The following TMEM68 variants were observed in gnomAD, a reference collection of about 807,000 sequenced individuals.
The protein encoded by TMEM68 is transmembrane protein 68.
TMEM68 carries 25 observed loss-of-function variants against 36.9 expected under a neutral mutation model. That is an observed-to-expected ratio of 0.68 (90% CI 0.49 to 0.95). TMEM68 has a LOEUF of 0.95. Among genes scored for constraint, TMEM68 ranks in the 40% least tolerant of loss-of-function variants. The pLI, the probability that TMEM68 is intolerant of heterozygous loss-of-function variation, is 0.00. For synonymous variants in TMEM68, 131 were observed against 124.4 expected (o/e 1.05, Z -0.35); for missense variants, 333 against 392.0 (o/e 0.85, Z 1.27).
intron 1 of TMEM68, among the ~76,000 whole-genome samples, chr8:55,766,771 G>A (rs1267075104): frequency 6.6e-6 from 1 of 152,160 alleles, no homozygotes; most frequent in Non-Finnish European, 1.5e-5. Context: ...AGTGGCTGCT[G>A]TGTTGAGAAT....
chr8:55,770,931 G>T (rs1172896142), intron 1 of TMEM68, among the ~76,000 whole-genome samples: 1 of 152,036 alleles, frequency 6.6e-6, no homozygotes, highest in African/African-American at 2.4e-5. Flanking sequence ...AGCGGCAGGA[G>T]GATCACCTGA....
intron 4 of TMEM68, among the ~76,000 whole-genome samples, chr8:55,755,326 G>A (rs1369123429): frequency 6.6e-6 from 1 of 151,340 alleles, no homozygotes; most frequent in African/African-American, 2.4e-5. Flanking sequence ...GAGTATAGTG[G>A]CATGATGTCA....
intron 3 of TMEM68, among the ~76,000 whole-genome samples, chr8:55,758,270 G>T (rs1810667879): frequency 6.6e-6 from 1 of 152,194 alleles, no homozygotes; most frequent in Non-Finnish European, 1.5e-5. Flanking sequence ...TCACTCAGTA[G>T]ATTGAATCCA....
At chr8:55,742,460 C>T (rs1054567563) in intron 7 of TMEM68, among the ~76,000 whole-genome samples, 2 of 152,058 alleles carry the variant, frequency 1.3e-5, no homozygotes, top group African/African-American at 2.4e-5. Context: ...AATGTTTTTA[C>T]CATAATTTAT....
At chr8:55,757,919 G>A (rs985948461) in intron 3 of TMEM68, among the ~76,000 whole-genome samples, 1 of 152,082 alleles carries the variant, frequency 6.6e-6, no homozygotes, top group African/African-American at 2.4e-5. Flanking sequence ...TAAGCCCCAG[G>A]AATACAGAGC....
At position 55,743,364 on chromosome 8, in the gene TMEM68, T is replaced by C. The variant is rs553511958; in HGVS notation, c.888+117A>G. ...CCCTAGGGTATACAATCACCTCTGG[T>C]TGAGAACCACTGACCTAGACATGCT... On this transcript the variant is annotated intron_variant, in intron 7 of 7. Transcript: ENST00000434581. 1.7e-5 allele frequency: 22 copies of C among 1,295,036 alleles called. No individual in the cohort carries two copies. The South Asian group carries it at 2.6e-4, about 15-fold the overall frequency. The allele number at this position is 1,295,036 out of a possible 1,614,324, so 80.2% of individuals were successfully genotyped here.
chr8:55,743,677 G>A, intron 6 of TMEM68, 57 bp from the exon 7 acceptor site: 5 of 1,446,616 alleles, frequency 3.5e-6, no homozygotes, highest in Non-Finnish European at 4.6e-6. Flanking sequence ...CCATGTAACT[G>A]TAAACTTTCA....
chr8:55,754,403 ACT>A (rs1462359042), intron 4 of TMEM68, among the ~76,000 whole-genome samples: 2 of 142,646 alleles, frequency 1.4e-5, no homozygotes, highest in Non-Finnish European at 3.0e-5. Context: ...AGATTATGCC[ACT>A]GCACTCTAGC....
intron 7 of TMEM68, among the ~76,000 whole-genome samples, chr8:55,741,064 T>C (rs1810086026): frequency 6.6e-6 from 1 of 151,978 alleles, no homozygotes; most frequent in Non-Finnish European, 1.5e-5. Flanking sequence ...TGAAACCCCG[T>C]CTCTACTAAA....
rs1347477995 is a variant in TMEM68 at position 55,762,914 on chromosome 8, G to A, written c.46C>T (p.Pro16Ser). The A allele has an allele frequency of 4.3e-6, 7 of 1,613,118 alleles. No homozygotes were observed. Among genetic ancestry groups the A allele is most frequent in the Non-Finnish European group, 5.9e-6 (7 of 1,179,696 alleles). Residue 16 changes from proline (P) to serine (S), a missense_variant, in exon 3 of 8, where the codon CCC becomes TCC. By Grantham distance (74) the Pro-to-Ser change is moderately conservative. Transcript: ENST00000434581. ...QTCGVGQDSV[P>S]YMICLIHILE... is the part of the protein sequence containing the mutation. Reference sequence around the variant, plus strand: ...ATGTGAATCAGACAAATCATATAGGGCACAGAATCCTGTCCTACACCACAG... The same window carrying A: ...ATGTGAATCAGACAAATCATATAGGACACAGAATCCTGTCCTACACCACAG...
intron 1 of TMEM68, among the ~76,000 whole-genome samples, chr8:55,766,533 C>T (rs772515782): frequency 1.3e-5 from 2 of 152,026 alleles, no homozygotes; most frequent in Non-Finnish European, 2.9e-5. Context: ...CCCGCCACCA[C>T]GCCCGGCTAA....
At chr8:55,743,365 T>G in intron 7 of TMEM68, 116 bp downstream of exon 7, 22 of 1,299,332 alleles carry the variant, frequency 1.7e-5, no homozygotes, top group Non-Finnish European at 2.1e-5. Context: ...CACCTCTGGT[T>G]GAGAACCACT....
chr8:55,762,312 T>C, intron 3 of TMEM68: 1 of 341,970 alleles, frequency 2.9e-6, no homozygotes, highest in East Asian at 4.6e-5. Flanking sequence ...GCTAAATAAT[T>C]GAAGCATTTT....
intron 1 of TMEM68, among the ~76,000 whole-genome samples, chr8:55,766,465 C>T (rs1006723633): frequency 6.6e-6 from 1 of 151,002 alleles, no homozygotes; most frequent in Non-Finnish European, 1.5e-5. Context: ...CAATCTCCGC[C>T]TCCCGGGTTC....
At chr8:55,773,182 C>G (rs912509986) in intron 1 of TMEM68, 87 bp downstream of exon 1, 3 of 153,094 alleles carry the variant, frequency 2.0e-5, no homozygotes, top group Non-Finnish European at 2.9e-5. Context: ...CTCCCAGTCC[C>G]GCCAGACCCG....
chr8:55,765,904 A>G (rs993422349), intron 1 of TMEM68, among the ~76,000 whole-genome samples: 4 of 152,170 alleles, frequency 2.6e-5, no homozygotes, highest in Admixed American at 6.5e-5. Context: ...TCATTCTATA[A>G]AGACCTATTT....
intron 1 of TMEM68, among the ~76,000 whole-genome samples, chr8:55,764,908 A>G (rs893878957): frequency 1.3e-5 from 2 of 152,098 alleles, no homozygotes; most frequent in African/African-American, 2.4e-5. Context: ...CTCCATCTCT[A>G]CTAAAAATAT....
chr8:55,753,628 G>T (rs1810484316), intron 4 of TMEM68, among the ~76,000 whole-genome samples: 1 of 152,172 alleles, frequency 6.6e-6, no homozygotes, highest in East Asian at 1.9e-4. Flanking sequence ...TGTTTGTCTG[G>T]TTGATGTGTC....
chr8:55,765,368 C>T (rs1454289423), intron 1 of TMEM68, among the ~76,000 whole-genome samples: 1 of 152,208 alleles, frequency 6.6e-6, no homozygotes, highest in Non-Finnish European at 1.5e-5. Context: ...CTCAAGACCA[C>T]TCCGAGTTGC....
Sources: gnomAD v4.1 joint callset for allele counts (sites outside exome capture counted in the v4.1 genomes callset) on GRCh38, gnomAD v4.1.1 for gene constraint, MANE v1.5 for transcripts, NCBI Gene and HGNC (gene_info 2026-07-23, HGNC 2026-07-21) for gene names.